Variants in CDH12 observed in about 807,000 individuals in gnomAD.
CDH12 encodes the protein cadherin 12.
A neutral mutation model predicts 74.1 loss-of-function variants in CDH12; 41 were observed. The observed-to-expected ratio is 0.55, with a 90% CI of 0.43 to 0.72. The LOEUF (loss-of-function observed/expected upper bound fraction) is 0.72. Ranked by LOEUF, CDH12 falls within the 30% of genes least tolerant of loss-of-function variation. The pLI is 0.00. For missense variants in CDH12, 945 were observed against 977.2 expected (o/e 0.97, Z 0.44); for synonymous variants, 399 against 355.0 (o/e 1.12, Z -1.39).
chr5:21,810,781 G>A (rs1271449989), intron 9 of CDH12, among the ~76,000 whole-genome samples: 1 of 152,002 alleles, frequency 6.6e-6, no homozygotes, highest in African/African-American at 2.4e-5. Context: ...GTACATTAGC[G>A]TGGCTAAAAA....
In CDH12 at chr5:22,036,453, A is replaced by G. The variant is rs150314362; in HGVS notation, c.231+41993T>C. On this transcript the variant is annotated intron_variant, in intron 5 of 14. Coordinates refer to ENST00000382254, the MANE Select transcript of CDH12 (RefSeq NM_004061.5). ...GAAATGGGGACCCTTTCAGAAAGCC[A>G]TAAGTTTGAGAACATTTTTTTCTTA... Among the ~76,000 whole-genome samples the G allele has an allele frequency of 7.8e-4, 119 of 152,318 alleles. No individual in the cohort carries two copies. In the Middle Eastern group the frequency reaches 0.024, roughly 30 times the overall value.
chr5:22,089,000 C>T (rs769921036), intron 4 of CDH12, among the ~76,000 whole-genome samples: 22 of 152,096 alleles, frequency 1.4e-4, no homozygotes, highest in Non-Finnish European at 2.2e-4. Flanking sequence ...CTGACTCAGA[C>T]GCAGCAGTAC....
At chr5:22,698,751 T>A (rs1184614758) in intron 1 of CDH12, among the ~76,000 whole-genome samples, 7 of 124,324 alleles carry the variant, frequency 5.6e-5, no homozygotes, top group African/African-American at 1.2e-4. Context: ...TGTGTGTGTG[T>A]GTGTGTGTGT....
rs902754630 is a variant in CDH12, at chr5:22,483,763, T to TATATAA, written c.-428+21506_-428+21507insTTATAT. On this transcript the variant is annotated intron_variant, in intron 2 of 14. Transcript: ENST00000382254. The stretch of plus-strand genomic sequence containing the variant: ...TCTTTCAAAACTATATATATATATA[T>TATATAA]AAATTTAATTAATTGGGCATGGTGG... Among the ~76,000 whole-genome samples, 2 of 91,838 alleles carry TATATAA rather than the reference T, an allele frequency of 2.2e-5. 1 individual carries two copies. The highest frequency in any genetic ancestry group is 8.7e-5 in the African/African-American group (2 of 22,894). 60.2% of individuals were successfully genotyped at this position (91,838 alleles called of 152,430 possible). A position where few individuals can be genotyped will look rare whatever the true frequency, so the allele number is the denominator to read the frequency against.
chr5:22,016,554 T>G (rs1373913165), intron 5 of CDH12, among the ~76,000 whole-genome samples: 3 of 151,862 alleles, frequency 2.0e-5, no homozygotes, highest in African/African-American at 7.3e-5. Context: ...TCCAGCTAAC[T>G]TCTGTATTTT....
chr5:22,632,236 C>G (rs935177929), intron 1 of CDH12, among the ~76,000 whole-genome samples: 9 of 152,086 alleles, frequency 5.9e-5, no homozygotes, highest in African/African-American at 2.2e-4. Context: ...GAAGCAGATG[C>G]CAGAATCATG....
intron 3 of CDH12, among the ~76,000 whole-genome samples, chr5:22,335,021 T>C (rs1739512449): frequency 6.6e-6 from 1 of 151,918 alleles, no homozygotes; most frequent in Non-Finnish European, 1.5e-5. Flanking sequence ...AAAAAGCTTC[T>C]GCATAGAAAA....
chr5:22,200,486 A>C (rs1046260755), intron 4 of CDH12, among the ~76,000 whole-genome samples: 1 of 152,214 alleles, frequency 6.6e-6, no homozygotes. Context: ...GATTGAAAAT[A>C]GGTGACCTTT....
intron 5 of CDH12, among the ~76,000 whole-genome samples, chr5:22,077,311 A>G (rs560948533): frequency 1.3e-5 from 2 of 152,274 alleles, no homozygotes; most frequent in East Asian, 1.9e-4. Flanking sequence ...CATTTCCACA[A>G]TGTAATTTAT....
intron 3 of CDH12, among the ~76,000 whole-genome samples, chr5:22,259,807 T>G (rs1309495923): frequency 1.3e-5 from 2 of 152,060 alleles, no homozygotes; most frequent in Non-Finnish European, 2.9e-5. Context: ...TATAATTAAT[T>G]CAGCCTTTGC....
intron 4 of CDH12, among the ~76,000 whole-genome samples, chr5:22,196,870 C>G (rs1750646983): frequency 6.6e-6 from 1 of 152,036 alleles, no homozygotes; most frequent in African/African-American, 2.4e-5. Context: ...CTTCTTTTCC[C>G]CAAGGAAAGG....
chr5:22,223,018 C>A (rs532746428), intron 3 of CDH12, among the ~76,000 whole-genome samples: 3 of 151,770 alleles, frequency 2.0e-5, no homozygotes, highest in Non-Finnish European at 4.4e-5. Flanking sequence ...TTTAAAGGAG[C>A]AACTTGAGAG....
At chr5:21,887,964 C>T (rs914442375) in intron 6 of CDH12, among the ~76,000 whole-genome samples, 4 of 151,708 alleles carry the variant, frequency 2.6e-5, no homozygotes, top group African/African-American at 9.7e-5. Context: ...TCCATTAGCA[C>T]TAATTAACGA....
intron 6 of CDH12, among the ~76,000 whole-genome samples, chr5:21,965,110 A>G (rs1756522537): frequency 2.6e-5 from 4 of 152,058 alleles, no homozygotes; most frequent in African/African-American, 9.6e-5. Flanking sequence ...AGTAAGAAAA[A>G]TACATTATTT....
intron 3 of CDH12, among the ~76,000 whole-genome samples, chr5:22,342,010 G>T (rs545367270): frequency 1.3e-5 from 2 of 152,098 alleles, no homozygotes; most frequent in East Asian, 3.9e-4. Context: ...CCAAGATCAG[G>T]GTGTCAGCAA....
intron 6 of CDH12, among the ~76,000 whole-genome samples, chr5:21,949,315 TG>T (rs894275134): frequency 1.3e-5 from 2 of 151,420 alleles, no homozygotes; most frequent in African/African-American, 4.9e-5. Flanking sequence ...CCAGGCCTGG[TG>T]GGGGGCGCCT....
chr5:22,242,320 A>G (rs1752778682), intron 3 of CDH12, among the ~76,000 whole-genome samples: 1 of 152,204 alleles, frequency 6.6e-6, no homozygotes, highest in Admixed American at 6.6e-5. Flanking sequence ...TACAGATATG[A>G]ATGCGTTTGT....
Position 22,815,764 on chromosome 5 carries a change from C to T in CDH12, c.-523+37294G>A, listed in dbSNP as rs1248557330. Reference sequence around the variant, plus strand: ...CAGCTTGGGTGACAGAAGGAGACTCCGTCTCAAAAAAAAAAAAAAAATAAA... The same window carrying T: ...CAGCTTGGGTGACAGAAGGAGACTCTGTCTCAAAAAAAAAAAAAAAATAAA... On this transcript the variant is annotated intron_variant, in intron 1 of 14. Coordinates refer to ENST00000382254, the MANE Select transcript of CDH12 (RefSeq NM_004061.5). Among the ~76,000 whole-genome samples the T allele has an allele frequency of 9.8e-5, 10 of 101,606 alleles. No individual in the cohort carries two copies. The Middle Eastern group carries it at 0.03, about 302-fold the overall frequency. 66.7% of individuals were successfully genotyped at this position (101,606 alleles called of 152,430 possible). A position where few individuals can be genotyped will look rare whatever the true frequency, so the allele number is the denominator to read the frequency against.
At chr5:22,251,556 C>A (rs1753132302) in intron 3 of CDH12, among the ~76,000 whole-genome samples, 1 of 152,108 alleles carries the variant, frequency 6.6e-6, no homozygotes, top group South Asian at 2.1e-4. Context: ...TGCCTCACTT[C>A]CCTTATCTGT....
Sources: allele counts gnomAD v4.1 joint callset (sites outside exome capture counted in the v4.1 genomes callset), GRCh38; gene constraint gnomAD v4.1.1; transcripts MANE v1.5; gene names NCBI Gene and HGNC (gene_info 2026-07-23, HGNC 2026-07-21).